CAMTA1: variants seen among roughly 807,000 people sequenced by gnomAD.
CAMTA1 encodes calmodulin binding transcription activator 1, also known as calmodulin-binding transcription activator 1.
A neutral mutation model predicts 170.9 loss-of-function variants in CAMTA1; 27 were observed. The ratio of observed to expected loss-of-function variants is 0.16; its 90% CI spans 0.12 to 0.22. The LOEUF (loss-of-function observed/expected upper bound fraction) is 0.22. Ranked by LOEUF, CAMTA1 falls within the 10% of genes least tolerant of loss-of-function variation. CAMTA1 has a pLI of 1.00. For missense variants in CAMTA1, 1,619 were observed against 2,217.2 expected (o/e 0.73, Z 5.42); for synonymous variants, 833 against 891.5 (o/e 0.93, Z 1.17).
At position 7,230,757 on chromosome 1, in the gene CAMTA1, C is replaced by T. The variant is rs560580054; in HGVS notation, c.303-18734C>T. On this transcript the variant is annotated intron_variant, in intron 4 of 22. Coordinates refer to ENST00000303635, the MANE Select transcript of CAMTA1 (RefSeq NM_015215.4). ...CAGCCAGGCAGGGCAGCCAAGGTGACTCCTGGACCCAGCCCCAGCCCCCGG... is the reference window on the plus strand; with the variant it reads ...CAGCCAGGCAGGGCAGCCAAGGTGATTCCTGGACCCAGCCCCAGCCCCCGG... Among the ~76,000 whole-genome samples the T allele has an allele frequency of 2.1e-3, 320 of 152,306 alleles. 1 individual carries two copies. The highest frequency in any genetic ancestry group is 7.0e-3 in the African/African-American group (293 of 41,564).
At chr1:7,457,189 T>C (rs562630551) in intron 5 of CAMTA1, among the ~76,000 whole-genome samples, 5 of 152,164 alleles carry the variant, frequency 3.3e-5, no homozygotes, top group African/African-American at 9.6e-5. Context: ...TTTTTAGCTA[T>C]TATTCCATTT....
chr1:7,623,750 G>C (rs34023500), intron 6 of CAMTA1, among the ~76,000 whole-genome samples: 1 of 152,206 alleles, frequency 6.6e-6, no homozygotes, highest in South Asian at 2.1e-4. Flanking sequence ...CGCCCGCCTC[G>C]GCCTCCCGAG....
At chr1:7,467,426 T>C (rs889869748) in intron 5 of CAMTA1, among the ~76,000 whole-genome samples, 1 of 152,206 alleles carries the variant, frequency 6.6e-6, no homozygotes, top group African/African-American at 2.4e-5. Context: ...TTTAATGAAT[T>C]CTGTAACCAT....
chr1:7,364,019 C>T (rs2085772675), intron 5 of CAMTA1, among the ~76,000 whole-genome samples: 1 of 152,170 alleles, frequency 6.6e-6, no homozygotes, highest in Non-Finnish European at 1.5e-5. Flanking sequence ...GGACTGAGGT[C>T]AGAAAAGCCG....
At chr1:7,441,955 C>T (rs1298236937) in intron 5 of CAMTA1, among the ~76,000 whole-genome samples, 1 of 152,174 alleles carries the variant, frequency 6.6e-6, no homozygotes, top group African/African-American at 2.4e-5. Context: ...TCGATTCCGG[C>T]GGTTTCAGAG....
chr1:7,082,116 C>T (rs376176476), intron 3 of CAMTA1, among the ~76,000 whole-genome samples: 8 of 152,178 alleles, frequency 5.3e-5, no homozygotes, highest in Non-Finnish European at 8.8e-5. Flanking sequence ...CTCTTCTCTA[C>T]CAGGCCACCA....
At chr1:6,900,186 T>C (rs1217298701) in intron 3 of CAMTA1, among the ~76,000 whole-genome samples, 2 of 152,186 alleles carry the variant, frequency 1.3e-5, no homozygotes, top group Non-Finnish European at 2.9e-5. Context: ...GCTTGGTACA[T>C]TGGTAGTCAT....
chr1:7,125,520 A>G (rs1298296635), intron 4 of CAMTA1, among the ~76,000 whole-genome samples: 1 of 152,180 alleles, frequency 6.6e-6, no homozygotes, highest in Admixed American at 6.5e-5. Context: ...TTACCCATCC[A>G]TAGGCACCTA....
intron 3 of CAMTA1, among the ~76,000 whole-genome samples, chr1:6,886,063 G>C (rs1270941586): frequency 6.6e-6 from 1 of 152,168 alleles, no homozygotes; most frequent in South Asian, 2.1e-4. Flanking sequence ...GGAGCTCCTT[G>C]GGCAAGGGTG....
At chr1:7,192,199 T>C (rs1267139192) in intron 4 of CAMTA1, among the ~76,000 whole-genome samples, 1 of 152,252 alleles carries the variant, frequency 6.6e-6, no homozygotes, top group East Asian at 1.9e-4. Flanking sequence ...TGTGAGATGC[T>C]GACACTGATG....
rs938242579 is a variant in CAMTA1, at chr1:7,044,903, A to G, written c.235-46401A>G. Among the ~76,000 whole-genome samples the G allele has an allele frequency of 9.9e-5, 15 of 151,994 alleles. No individual in the cohort carries two copies. The highest frequency in any genetic ancestry group is 2.1e-4 in the Non-Finnish European group (14 of 67,986). ...AACATCCCGCCATTTTGATTAAAAA[A>G]AAAAATCCCCCAAAATAAAAACTCA... On this transcript the variant is annotated intron_variant, in intron 3 of 22. Coordinates refer to ENST00000303635, the MANE Select transcript of CAMTA1 (RefSeq NM_015215.4). The surrounding 1 kb of genome is among the most constrained non-coding windows in gnomAD (Gnocchi z 5.0).
At chr1:7,465,485 A>G (rs2093189186) in intron 5 of CAMTA1, among the ~76,000 whole-genome samples, 1 of 107,910 alleles carries the variant, frequency 9.3e-6, no homozygotes, top group Admixed American at 8.1e-5. Context: ...CTTCTCATCC[A>G]AGGAGACCAG....
intron 5 of CAMTA1, among the ~76,000 whole-genome samples, chr1:7,411,028 C>T (rs939261771): frequency 3.3e-5 from 5 of 151,850 alleles, no homozygotes; most frequent in East Asian, 3.9e-4. Flanking sequence ...TGTGCACCCA[C>T]ATCCATGCAC....
intron 3 of CAMTA1, among the ~76,000 whole-genome samples, chr1:6,831,065 G>A (rs576728552): frequency 2.0e-5 from 3 of 152,164 alleles, no homozygotes; most frequent in Non-Finnish European, 2.9e-5. Flanking sequence ...TGATCCGCCC[G>A]CCTCAGCCTC....
rs561555147 is a variant in CAMTA1 at position 7,232,425 on chromosome 1, C to T, written c.303-17066C>T. 2.6e-3 allele frequency among the ~76,000 whole-genome samples: 403 copies of T among 152,352 alleles called. 5 individuals carry two copies. Among genetic ancestry groups the T allele is most frequent in the Non-Finnish European group, 3.8e-3 (260 of 68,020 alleles). On this transcript the variant is annotated intron_variant, in intron 4 of 22. Transcript: ENST00000303635. ...CGTCCGAGTGCGTTTTTATGTTTTGCACCAAAGGTTTTAAACAGTTCCTAG... is the reference window on the plus strand; with the variant it reads ...CGTCCGAGTGCGTTTTTATGTTTTGTACCAAAGGTTTTAAACAGTTCCTAG...
chr1:6,813,592 A>T (rs1645435779), intron 1 of CAMTA1, among the ~76,000 whole-genome samples: 1 of 151,778 alleles, frequency 6.6e-6, no homozygotes, highest in African/African-American at 2.4e-5. Flanking sequence ...ACATTGCTGG[A>T]CTGAGAGGTC....
intron 6 of CAMTA1, among the ~76,000 whole-genome samples, chr1:7,631,617 T>G (rs2095669817): frequency 6.6e-6 from 1 of 152,166 alleles, no homozygotes; most frequent in Admixed American, 6.5e-5. Flanking sequence ...CACAGTACTA[T>G]GCATTGGAGC....
At chr1:6,892,555 C>G (rs542756655) in intron 3 of CAMTA1, among the ~76,000 whole-genome samples, 5 of 150,446 alleles carry the variant, frequency 3.3e-5, no homozygotes, top group Non-Finnish European at 7.4e-5. Context: ...GGGATCCAAT[C>G]TGAAAACAGA....
At position 7,050,980 on chromosome 1, in the gene CAMTA1, C is replaced by G. The variant is rs1706255504; in HGVS notation, c.235-40324C>G. 1.3e-5 allele frequency among the ~76,000 whole-genome samples: 2 copies of G among 152,204 alleles called. No individual in the cohort carries two copies. Among genetic ancestry groups the G allele is most frequent in the Admixed American group, 1.3e-4 (2 of 15,286 alleles). ...CACAGGGAGAATGACTGTGCTGCCTCTTTCCGGGGTGTAATTTGAGTTTGC... is the reference window on the plus strand; with the variant it reads ...CACAGGGAGAATGACTGTGCTGCCTGTTTCCGGGGTGTAATTTGAGTTTGC... On this transcript the variant is annotated intron_variant, in intron 3 of 22. Coordinates refer to ENST00000303635, the MANE Select transcript of CAMTA1 (RefSeq NM_015215.4). The surrounding 1 kb of genome is among the most constrained non-coding windows in gnomAD (Gnocchi z 4.8).
Sources: allele counts gnomAD v4.1 joint callset (sites outside exome capture counted in the v4.1 genomes callset), GRCh38; gene constraint gnomAD v4.1.1; non-coding constraint Gnocchi (gnomAD v3.1); transcripts MANE v1.5; gene names NCBI Gene and HGNC (gene_info 2026-07-23, HGNC 2026-07-21).